The following ZRANB3 variants were observed in gnomAD, a reference collection of about 807,000 sequenced individuals.
ZRANB3 encodes the protein DNA annealing helicase and endonuclease ZRANB3.
ZRANB3 carries 125 observed loss-of-function variants against 133.8 expected under a neutral mutation model. The ratio of observed to expected loss-of-function variants is 0.93; its 90% CI spans 0.81 to 1.08. The LOEUF is 1.08. Among genes scored for constraint, ZRANB3 ranks in the 50% least tolerant of loss-of-function variants. The pLI is 0.00. For missense variants in ZRANB3, 1,229 were observed against 1,275.5 expected, an observed-to-expected ratio of 0.96 and a Z score of 0.56; for synonymous variants, 387 against 432.7, an observed-to-expected ratio of 0.89 and a Z score of 1.31.
intron 10 of ZRANB3, 86 bp downstream of exon 10, chr2:135,271,682 A>G: frequency 6.9e-7 from 1 of 1,448,554 alleles, no homozygotes; most frequent in Non-Finnish European, 9.2e-7. Flanking sequence ...CAAAGTTACA[A>G]GTTTATAAAC....
chr2:135,391,747 T>G (rs1687243325), intron 2 of ZRANB3, among the ~76,000 whole-genome samples: 1 of 152,028 alleles, frequency 6.6e-6, no homozygotes, highest in Non-Finnish European at 1.5e-5. Flanking sequence ...GCCAGGCTAA[T>G]TTTTTGTATT....
At chr2:135,242,047 C>T (rs943748990) in intron 12 of ZRANB3, among the ~76,000 whole-genome samples, 2 of 151,964 alleles carry the variant, frequency 1.3e-5, no homozygotes, top group East Asian at 1.9e-4. Flanking sequence ...GGGCATGGTG[C>T]GCACGCCTGT....
chr2:135,391,059 C>G, intron 2 of ZRANB3, among the ~76,000 whole-genome samples: 1 of 152,090 alleles, frequency 6.6e-6, no homozygotes, highest in Non-Finnish European at 1.5e-5. Context: ...AGGGGTTTCA[C>G]TATGTTGCTT....
chr2:135,241,644 C>G (rs937166810), intron 12 of ZRANB3, among the ~76,000 whole-genome samples: 4 of 151,978 alleles, frequency 2.6e-5, no homozygotes, highest in African/African-American at 9.7e-5. Flanking sequence ...GACATGCTGA[C>G]TGAACATGAG....
intron 8 of ZRANB3, among the ~76,000 whole-genome samples, chr2:135,291,921 G>C (rs1681763435): frequency 1.3e-5 from 2 of 152,094 alleles, no homozygotes; most frequent in South Asian, 4.1e-4. Flanking sequence ...CAAAGGACAT[G>C]AACTCATCAT....
chr2:135,337,193 G>C (rs1486723186), intron 6 of ZRANB3, among the ~76,000 whole-genome samples: 2 of 152,174 alleles, frequency 1.3e-5, no homozygotes, highest in African/African-American at 4.8e-5. Flanking sequence ...ACAGCTACCA[G>C]AAGTAGGTAG....
chr2:135,306,837 G>T (rs1682730360), intron 8 of ZRANB3, among the ~76,000 whole-genome samples: 1 of 151,952 alleles, frequency 6.6e-6, no homozygotes, highest in Non-Finnish European at 1.5e-5. Flanking sequence ...TGATCCTCCT[G>T]CCTCAGCCTC....
At chr2:135,222,594 T>C (rs1282150754) in intron 15 of ZRANB3, among the ~76,000 whole-genome samples, 2 of 152,112 alleles carry the variant, frequency 1.3e-5, no homozygotes, top group African/African-American at 4.8e-5. Context: ...TTCCAGTGGC[T>C]ACATGAAATG....
At chr2:135,236,921 A>G (rs1301968060) in intron 12 of ZRANB3, among the ~76,000 whole-genome samples, 2 of 152,352 alleles carry the variant, frequency 1.3e-5, no homozygotes, top group African/African-American at 4.8e-5. Flanking sequence ...AATGGCAACA[A>G]AAGCCAAAAT....
chr2:135,217,711 C>T lies in ZRANB3; in HGVS notation c.2353-104G>A. 3 of 1,369,834 alleles carry T rather than the reference C, an allele frequency of 2.2e-6. No individual in the cohort carries two copies. The Admixed American group carries it at 8.3e-5, about 38-fold the overall frequency. 84.9% of individuals were successfully genotyped at this position (1,369,834 alleles called of 1,614,324 possible). A position where few individuals can be genotyped will look rare whatever the true frequency, so the allele number is the denominator to read the frequency against. On this transcript the variant is annotated intron_variant, in intron 16 of 20. Transcript: ENST00000264159. ...CAGAAAACTGCTATTTTGTTATGTC[C>T]CCCAAATAGGCTTTTGAGTTCCATA...
intron 1 of ZRANB3, among the ~76,000 whole-genome samples, chr2:135,512,471 T>C (rs1574233753): frequency 6.6e-6 from 1 of 152,030 alleles, no homozygotes; most frequent in Admixed American, 6.5e-5. Flanking sequence ...GGATGAAATT[T>C]ACTGCAGAAT....
In ZRANB3 at chr2:135,200,300, C is replaced by T; in HGVS notation, c.*42G>A. ...GGAAAACTTCTGTATTAAAGTCTTC[C>T]ACATGTAAACCATTTGTCATTCATT... On this transcript the variant is annotated 3_prime_UTR_variant, in exon 21 of 21. Transcript: ENST00000264159. 6.7e-7 allele frequency: 1 copy of T among 1,488,550 alleles called. No individual in the cohort carries two copies. The highest frequency in any genetic ancestry group is 2.0e-5 in the Admixed American group (1 of 50,218). The allele number at this position is 1,488,550 out of a possible 1,614,324, so 92.2% of individuals were successfully genotyped here.
chr2:135,502,958 C>T (rs1435459529), intron 2 of ZRANB3, among the ~76,000 whole-genome samples: 1 of 152,070 alleles, frequency 6.6e-6, no homozygotes, highest in African/African-American at 2.4e-5. Flanking sequence ...AGTAAGATTA[C>T]AATAATTTTA....
chr2:135,425,812 A>C (rs1689036915), intron 2 of ZRANB3, among the ~76,000 whole-genome samples: 1 of 152,148 alleles, frequency 6.6e-6, no homozygotes, highest in Admixed American at 6.5e-5. Context: ...ACCAACCCCA[A>C]GGATAGCAGA....
intron 12 of ZRANB3, 95 bp downstream of exon 12, chr2:135,265,439 T>C: frequency 7.6e-7 from 1 of 1,315,944 alleles, no homozygotes; most frequent in South Asian, 1.9e-5. Flanking sequence ...TTCAACACCA[T>C]AAATAATTGA....
intron 8 of ZRANB3, among the ~76,000 whole-genome samples, chr2:135,290,797 A>G (rs1479700541): frequency 6.6e-6 from 1 of 151,974 alleles, no homozygotes; most frequent in African/African-American, 2.4e-5. Context: ...TTTGCGATGA[A>G]TTTCCTGGGT....
At chr2:135,304,531 G>A (rs1371991360) in intron 8 of ZRANB3, among the ~76,000 whole-genome samples, 3 of 152,068 alleles carry the variant, frequency 2.0e-5, no homozygotes, top group African/African-American at 2.4e-5. Context: ...TGTTTGTCTG[G>A]TTTTGGTAAC....
At chr2:135,328,387 T>C (rs1346698793) in intron 6 of ZRANB3, among the ~76,000 whole-genome samples, 3 of 152,160 alleles carry the variant, frequency 2.0e-5, no homozygotes, top group African/African-American at 7.2e-5. Context: ...GCAAAGGACA[T>C]GAACTCATCC....
intron 6 of ZRANB3, among the ~76,000 whole-genome samples, chr2:135,320,446 T>C (rs766495234): frequency 7.9e-5 from 12 of 152,192 alleles, no homozygotes; most frequent in Non-Finnish European, 1.6e-4. Flanking sequence ...CAAAAAATTG[T>C]AAATGCCCCT....
Sources: gnomAD v4.1 joint callset for allele counts (sites outside exome capture counted in the v4.1 genomes callset) on GRCh38, gnomAD v4.1.1 for gene constraint, MANE v1.5 for transcripts, NCBI Gene and HGNC (gene_info 2026-07-23, HGNC 2026-07-21) for gene names.